The following SLC24A2 variants were observed in gnomAD, a reference collection of about 807,000 sequenced individuals.
SLC24A2 encodes solute carrier family 24 member 2.
Under a neutral mutation model 62.0 loss-of-function variants are expected in SLC24A2, and 36 were observed. The observed-to-expected ratio is 0.58, with a 90% confidence interval of 0.44 to 0.77. The LOEUF (loss-of-function observed/expected upper bound fraction) is 0.77. Among genes scored for constraint, SLC24A2 ranks in the 30% least tolerant of loss-of-function variants. The probability of loss-of-function intolerance (pLI) is 0.00; values close to 1 mark genes in which losing one functional copy is unlikely to be tolerated. For missense variants in SLC24A2, 846 were observed against 817.9 expected (o/e 1.03, Z -0.42); for synonymous variants, 358 against 294.0 (o/e 1.22, Z -2.23).
chr9:20,133,063 C>G, the SLC24A2 span, among the ~76,000 whole-genome samples: 111 of 152,166 alleles, frequency 7.3e-4, 3 homozygotes, highest in South Asian at 0.011. Context: ...TTCACTTTAA[C>G]TAAGGGAGAG....
chr9:19,598,930 G>A (rs1228508337), intron 4 of SLC24A2, among the ~76,000 whole-genome samples: 3 of 152,166 alleles, frequency 2.0e-5, no homozygotes, highest in Non-Finnish European at 4.4e-5. Flanking sequence ...GGTAAGCAGT[G>A]GAATAAGCAG....
intron 2 of SLC24A2, among the ~76,000 whole-genome samples, chr9:19,703,319 G>A (rs1049112971): frequency 1.4e-4 from 21 of 152,118 alleles, no homozygotes; most frequent in African/African-American, 5.1e-4. Flanking sequence ...GGCAGAGCTG[G>A]GCTTCAAACA....
At chr9:20,231,466 A>G in the SLC24A2 span, among the ~76,000 whole-genome samples, 2 of 152,062 alleles carry the variant, frequency 1.3e-5, no homozygotes, top group African/African-American at 2.4e-5. Flanking sequence ...TTTAAGTTGG[A>G]TTCCTAGGTA....
chr9:20,073,467 C>T, the SLC24A2 span, among the ~76,000 whole-genome samples: 1 of 152,054 alleles, frequency 6.6e-6, no homozygotes, highest in Admixed American at 6.6e-5. Context: ...ACAGATATCC[C>T]ATTCTATTCA....
intron 2 of SLC24A2, among the ~76,000 whole-genome samples, chr9:19,708,998 C>G (rs1055444181): frequency 1.3e-5 from 2 of 151,996 alleles, no homozygotes; most frequent in African/African-American, 4.8e-5. Context: ...ATTTTCGCAA[C>G]CTACTCATCT....
At chr9:20,276,366 G>A in the SLC24A2 span, among the ~76,000 whole-genome samples, 1 of 152,200 alleles carries the variant, frequency 6.6e-6, no homozygotes, top group African/African-American at 2.4e-5. Flanking sequence ...GCTCCAAAAT[G>A]ATCTCCTTTG....
the SLC24A2 span, among the ~76,000 whole-genome samples, chr9:20,019,170 A>AG: frequency 6.7e-6 from 1 of 149,024 alleles, no homozygotes; most frequent in African/African-American, 2.5e-5. Context: ...AGAGAGACAG[A>AG]AAGAAAGAAA....
At chr9:19,785,848 T>C in intron 2 of SLC24A2, 89 bp downstream of exon 2, 2 of 1,546,778 alleles carry the variant, frequency 1.3e-6, no homozygotes, top group African/African-American at 1.4e-5. Flanking sequence ...CCAAACACCA[T>C]CACATCAAAA....
chr9:20,044,531 T>C, the SLC24A2 span, among the ~76,000 whole-genome samples: 1 of 152,138 alleles, frequency 6.6e-6, no homozygotes, highest in Non-Finnish European at 1.5e-5. Context: ...TTCCTTTTGC[T>C]GGGTCAAGGA....
intron 4 of SLC24A2, among the ~76,000 whole-genome samples, chr9:19,608,161 G>A (rs1401412033): frequency 6.6e-6 from 1 of 152,146 alleles, no homozygotes; most frequent in Non-Finnish European, 1.5e-5. Flanking sequence ...GAGGCTGCAC[G>A]CAAACATCTT....
At chr9:19,893,288 G>T in the SLC24A2 span, among the ~76,000 whole-genome samples, 2 of 152,186 alleles carry the variant, frequency 1.3e-5, no homozygotes, top group Non-Finnish European at 2.9e-5. Flanking sequence ...CTAGCAAGGA[G>T]CCTCTCCATT....
At chr9:20,131,284 C>T in the SLC24A2 span, among the ~76,000 whole-genome samples, 1 of 152,104 alleles carries the variant, frequency 6.6e-6, no homozygotes, top group Non-Finnish European at 1.5e-5. Flanking sequence ...AGACAGGGCG[C>T]CCAGATTCCA....
chr9:19,999,254 T>A, the SLC24A2 span, among the ~76,000 whole-genome samples: 1 of 152,238 alleles, frequency 6.6e-6, no homozygotes, highest in African/African-American at 2.4e-5. Context: ...TTATTATCCA[T>A]GTTCATTAAC....
At chr9:19,873,853 A>G in the SLC24A2 span, among the ~76,000 whole-genome samples, 2 of 152,252 alleles carry the variant, frequency 1.3e-5, no homozygotes, top group Non-Finnish European at 2.9e-5. Context: ...CCAAATCACC[A>G]AATCATCACG....
At chr9:20,112,880 A>G in the SLC24A2 span, among the ~76,000 whole-genome samples, 4 of 151,878 alleles carry the variant, frequency 2.6e-5, no homozygotes, top group Admixed American at 2.0e-4. Flanking sequence ...GGTAGAGTAC[A>G]AGAAAACAAA....
chr9:20,169,284 G>A, the SLC24A2 span, among the ~76,000 whole-genome samples: 4 of 151,948 alleles, frequency 2.6e-5, no homozygotes, highest in Admixed American at 6.6e-5. Context: ...TGACAGACAG[G>A]AAAAAGTACT....
At chr9:19,902,166 A>T in the SLC24A2 span, among the ~76,000 whole-genome samples, 1 of 152,152 alleles carries the variant, frequency 6.6e-6, no homozygotes, top group Non-Finnish European at 1.5e-5. Context: ...CTAAACTGCA[A>T]AAAGGGAAGG....
At chr9:19,965,015 G>T in the SLC24A2 span, among the ~76,000 whole-genome samples, 7 of 152,142 alleles carry the variant, frequency 4.6e-5, no homozygotes, top group Non-Finnish European at 7.4e-5. Context: ...AGAGACAACA[G>T]CCTTATGGAG....
chr9:20,211,450 T>TGCC, the SLC24A2 span, among the ~76,000 whole-genome samples: 7 of 152,152 alleles, frequency 4.6e-5, no homozygotes, highest in Admixed American at 4.6e-4. Flanking sequence ...AGGCAGAGGT[T>TGCC]GCCGTGAGCT....
Sources: gnomAD v4.1 joint callset for allele counts (sites outside exome capture counted in the v4.1 genomes callset) on GRCh38, gnomAD v4.1.1 for gene constraint, MANE v1.5 for transcripts, NCBI Gene and HGNC (gene_info 2026-07-23, HGNC 2026-07-21) for gene names.